LPA: variants seen among roughly 807,000 people sequenced by gnomAD.
LPA encodes the protein lipoprotein(a).
In LPA, 199 loss-of-function variants were observed where a neutral mutation model predicts 197.9. The observed-to-expected ratio is 1.01, with a 90% CI of 0.90 to 1.13. LPA has a LOEUF of 1.13. LPA is among the 50% of genes most tolerant of loss of function. LPA has a pLI of 0.00. For missense variants in LPA, 1,853 were observed against 1,785.8 expected, an observed-to-expected ratio of 1.04 and a Z score of -0.68; for synonymous variants, 715 against 639.5, an observed-to-expected ratio of 1.12 and a Z score of -1.78.
intron 25 of LPA, among the ~76,000 whole-genome samples, chr6:160,586,109 G>A (rs752112369): frequency 6.6e-6 from 1 of 152,206 alleles, no homozygotes; most frequent in Non-Finnish European, 1.5e-5. Flanking sequence ...GAAAGGGCTG[G>A]ACAGGCTTAG....
chr6:160,573,592 A>C (rs1200034224), intron 28 of LPA, among the ~76,000 whole-genome samples: 1 of 152,172 alleles, frequency 6.6e-6, no homozygotes, highest in Non-Finnish European at 1.5e-5. Context: ...GCTGTTGTTC[A>C]GATGTTTTTA....
At chr6:160,648,634 G>T (rs1043888709) in intron 2 of LPA, among the ~76,000 whole-genome samples, 1 of 151,870 alleles carries the variant, frequency 6.6e-6, no homozygotes, top group African/African-American at 2.4e-5. Context: ...TGTGTATCTG[G>T]TTCTGTAGGT....
At chr6:160,573,290 G>GT (rs573401416) in intron 28 of LPA, among the ~76,000 whole-genome samples, 31 of 150,306 alleles carry the variant, frequency 2.1e-4, no homozygotes, top group African/African-American at 6.6e-4. Context: ...ATTTTTTATT[G>GT]TTTTTTTATT....
intron 22 of LPA, among the ~76,000 whole-genome samples, chr6:160,591,493 T>C (rs1779029233): frequency 6.6e-6 from 1 of 152,258 alleles, no homozygotes; most frequent in Admixed American, 6.5e-5. Flanking sequence ...TATCTGTATG[T>C]CTTTCTATAG....
At chr6:160,553,844 A>G (rs1778204773) in intron 30 of LPA, among the ~76,000 whole-genome samples, 1 of 151,810 alleles carries the variant, frequency 6.6e-6, no homozygotes, top group African/African-American at 2.4e-5. Flanking sequence ...CTTTACCCAT[A>G]TATTAAATCT....
At chr6:160,655,316 T>C (rs1170409703) in intron 1 of LPA, among the ~76,000 whole-genome samples, 1 of 152,180 alleles carries the variant, frequency 6.6e-6, no homozygotes, top group East Asian at 1.9e-4. Flanking sequence ...GATTCACCTA[T>C]GGGGGCCTGC....
intron 18 of LPA, among the ~76,000 whole-genome samples, chr6:160,604,290 G>A (rs1174209407): frequency 6.6e-6 from 1 of 152,168 alleles, no homozygotes; most frequent in Non-Finnish European, 1.5e-5. Context: ...CAGGAAGAAA[G>A]CCAAGGTATC....
chr6:160,601,201 C>T, intron 18 of LPA, 103 bp from the exon 19 acceptor site: 1 of 977,376 alleles, frequency 1.0e-6, no homozygotes, highest in Non-Finnish European at 1.6e-6. Flanking sequence ...TTGAAATATT[C>T]CCAAAAGAGA....
chr6:160,570,563 A>C (rs1013854707), intron 28 of LPA, among the ~76,000 whole-genome samples: 1 of 152,322 alleles, frequency 6.6e-6, no homozygotes, highest in African/African-American at 2.4e-5. Flanking sequence ...GCAGCACACC[A>C]ACATGGCACA....
intron 7 of LPA, among the ~76,000 whole-genome samples, chr6:160,634,889 G>C (rs1418242020): frequency 1.3e-4 from 19 of 150,142 alleles, no homozygotes; most frequent in African/African-American, 4.3e-4. Flanking sequence ...GAGTTGTGAA[G>C]CCCATCACCC....
chr6:160,587,079 T>A (rs999230363), intron 24 of LPA, among the ~76,000 whole-genome samples: 1 of 152,238 alleles, frequency 6.6e-6, no homozygotes, highest in Non-Finnish European at 1.5e-5. Context: ...GTTATTTACC[T>A]AAGCAATCCA....
intron 7 of LPA, among the ~76,000 whole-genome samples, chr6:160,634,806 A>T (rs1327075749): frequency 2.0e-5 from 3 of 148,978 alleles, no homozygotes; most frequent in Non-Finnish European, 4.4e-5. Flanking sequence ...GACAGAAAGA[A>T]TCACACACCT....
chr6:160,609,647 T>G (rs113428210), intron 16 of LPA, among the ~76,000 whole-genome samples: 1 of 152,212 alleles, frequency 6.6e-6, no homozygotes, highest in Non-Finnish European at 1.5e-5. Flanking sequence ...TACTCCAAAC[T>G]CCCTTGCTCT....
Position 160,606,429 on chromosome 6 carries a change from T to G in LPA, c.2785+48A>C, listed in dbSNP as rs558277251. 5.5e-5 allele frequency: 89 copies of G among 1,604,624 alleles called. No homozygotes were observed. The South Asian group carries it at 9.6e-4, about 17-fold the overall frequency. ...GCATCAGTGGGAATTTCCATGGCTT[T>G]TCATCCCAGCATCGAAACGTGTAGG... On this transcript the variant is annotated intron_variant, in intron 17 of 38. Transcript: ENST00000316300.
chr6:160,562,170 C>T (rs557071533), intron 28 of LPA, among the ~76,000 whole-genome samples: 9 of 152,278 alleles, frequency 5.9e-5, no homozygotes, highest in East Asian at 3.9e-4. Context: ...ATGCTTCCAG[C>T]TTCTGCTCAT....
chr6:160,602,015 A>G (rs776708497), intron 18 of LPA, among the ~76,000 whole-genome samples: 17 of 152,242 alleles, frequency 1.1e-4, no homozygotes, highest in Non-Finnish European at 5.9e-5. Context: ...TCCTAAGAAC[A>G]TTGCTCCAAC....
At chr6:160,610,708 C>G (rs1227482974) in intron 16 of LPA, among the ~76,000 whole-genome samples, 1 of 152,114 alleles carries the variant, frequency 6.6e-6, no homozygotes, top group Non-Finnish European at 1.5e-5. Flanking sequence ...ATCCCAAACT[C>G]CAATCCCTCT....
At chr6:160,544,465 C>T (rs1449344050) in intron 33 of LPA, among the ~76,000 whole-genome samples, 1 of 152,158 alleles carries the variant, frequency 6.6e-6, no homozygotes, top group East Asian at 1.9e-4. Context: ...TCTTTCCTAT[C>T]ACCCTAACCT....
At position 160,586,480 on chromosome 6, in the gene LPA, T is replaced by C. The variant is rs767207085; in HGVS notation, c.4098A>G (p.Pro1366=). 5 of 1,613,544 alleles carry C rather than the reference T, an allele frequency of 3.1e-6. No homozygotes were observed. The highest frequency in any genetic ancestry group is 1.3e-5 in the African/African-American group (1 of 74,872). The part of the protein sequence containing the change: ...STLLTTPTVV[P]VPSTELPSEE... The stretch of plus-strand genomic sequence containing the variant: ...CAGAAGGAAGCTCTGTGCTTGGAAC[T>C]GGGACCACCGTGGGAGTTGTGAGGA... The change falls in exon 25 of 39, where the codon CCA becomes CCG. Residue 1366 remains proline (P), a synonymous_variant. Coordinates refer to ENST00000316300, the MANE Select transcript of LPA (RefSeq NM_005577.4).
Sources: gnomAD v4.1 joint callset for allele counts (sites outside exome capture counted in the v4.1 genomes callset) on GRCh38, gnomAD v4.1.1 for gene constraint, MANE v1.5 for transcripts, NCBI Gene and HGNC (gene_info 2026-07-23, HGNC 2026-07-21) for gene names.